Variants in REV3L observed in about 807,000 individuals in gnomAD.
REV3L encodes the protein REV3 like, DNA directed polymerase zeta catalytic subunit.
Under a neutral mutation model 299.4 loss-of-function variants are expected in REV3L, and 69 were observed. That is an observed-to-expected ratio of 0.23 (90% confidence interval 0.19 to 0.28). REV3L has a LOEUF of 0.28. REV3L is among the 10% of genes least tolerant of loss of function. The pLI is 1.00. For synonymous variants in REV3L, 1,238 were observed against 1,271.4 expected, an observed-to-expected ratio of 0.97 and a Z score of 0.56; for missense variants, 3,128 against 3,693.8, an observed-to-expected ratio of 0.85 and a Z score of 3.97.
chr6:111,351,721 C>T lies in REV3L; in HGVS notation c.7255G>A (p.Ala2419Thr). 6.2e-7 allele frequency: 1 copy of T among 1,613,772 alleles called. No individual in the cohort carries two copies. Among genetic ancestry groups the T allele is most frequent in the Non-Finnish European group, 8.5e-7 (1 of 1,179,788 alleles). The change falls in exon 19 of 32, where the codon GCC (alanine) becomes ACC (threonine). Residue 2419 changes from alanine (A) to threonine (T), a missense_variant. This residue lies in a region of REV3L where 82 missense variants were observed against 142.7 expected (regional missense o/e 0.57). Transcript: ENST00000368802. ...CGACATAAGTCAATACTTAAAGCGGCAGCCCTTTGTAAGAGGTAACCCCAG... is the reference window on the plus strand; with the variant it reads ...CGACATAAGTCAATACTTAAAGCGGTAGCCCTTTGTAAGAGGTAACCCCAG... ...HSWGYLLQRA[A>T]ALSIDLCRMI...
At chr6:111,327,700 A>G (rs1774986612) in intron 25 of REV3L, among the ~76,000 whole-genome samples, 1 of 152,166 alleles carries the variant, frequency 6.6e-6, no homozygotes, top group East Asian at 1.9e-4. Context: ...TATCTTACCT[A>G]AAAGTATACA....
At chr6:111,428,953 C>T (rs564537332) in intron 1 of REV3L, among the ~76,000 whole-genome samples, 1 of 152,110 alleles carries the variant, frequency 6.6e-6, no homozygotes, top group South Asian at 2.1e-4. Flanking sequence ...TAATGAAACA[C>T]TCAAAGGTCA....
chr6:111,384,070 C>A (rs1173682602), intron 9 of REV3L, among the ~76,000 whole-genome samples: 1 of 152,096 alleles, frequency 6.6e-6, no homozygotes, highest in Non-Finnish European at 1.5e-5. Flanking sequence ...TGAAACTAGA[C>A]CCTGATCTCT....
intron 1 of REV3L, among the ~76,000 whole-genome samples, chr6:111,429,748 G>A (rs1179159922): frequency 6.6e-6 from 1 of 152,126 alleles, no homozygotes; most frequent in African/African-American, 2.4e-5. Context: ...GGCTCGCCTG[G>A]CCCAGACCGG....
chr6:111,358,924 G>A lies in REV3L; in HGVS notation c.6970C>T (p.Leu2324=). 1 of 1,614,122 alleles carries A rather than the reference G, an allele frequency of 6.2e-7. No homozygotes were observed. Among genetic ancestry groups the A allele is most frequent in the Non-Finnish European group, 8.5e-7 (1 of 1,179,994 alleles). Residue 2324 remains leucine, a synonymous_variant, in exon 17 of 32, where the codon CTG becomes TTG. Transcript: ENST00000368802. ...GTGTCAGATGAGATGCAGTAGAACA[G>A]AGCACAGATTGGGTCAAATTCAGGA... ...PDPEFDPICA[L]FYCISSDTPL...
At chr6:111,469,516 CAGTT>C (rs1791924892) in intron 1 of REV3L, among the ~76,000 whole-genome samples, 1 of 152,182 alleles carries the variant, frequency 6.6e-6, no homozygotes, top group Non-Finnish European at 1.5e-5. Flanking sequence ...TAGCCCCACT[CAGTT>C]AGGAAACCCC....
chr6:111,381,792 A>G (rs1337495719), intron 9 of REV3L, among the ~76,000 whole-genome samples: 1 of 152,208 alleles, frequency 6.6e-6, no homozygotes, highest in Admixed American at 6.5e-5. Flanking sequence ...AAAATTCTTT[A>G]TTCTCTATGG....
At chr6:111,473,239 T>C (rs72947131) in intron 1 of REV3L, among the ~76,000 whole-genome samples, 16,312 of 150,026 alleles carry the variant, frequency 0.11, 1,163 homozygotes, top group Middle Eastern at 0.21. Flanking sequence ...TTTTTTTTTT[T>C]TTAAAGAGAC....
rs1779329937 is a variant in REV3L at position 111,367,339 on chromosome 6, T to C, written c.6449A>G (p.Glu2150Gly). ...NGDDRPSSPV[E>G]ELPSLAFENF... ...CTCAAAAGCCAATGAAGGCAGCTCC[T>C]CTACTGGTGATGAGGGTCTATCATC... The change falls in exon 14 of 32, where the codon GAG (glutamate) becomes GGG (glycine). Residue 2150 changes from glutamate (E) to glycine (G), a missense_variant. Physicochemically the swap from Glu to Gly is moderately conservative, Grantham distance 98 (BLOSUM62 -2). This residue lies in a region of REV3L where 2,409 missense variants were observed against 2,611.8 expected (regional missense o/e 0.92). Transcript: ENST00000368802. 12 of 1,607,552 alleles carry C rather than the reference T, an allele frequency of 7.5e-6. No individual in the cohort carries two copies. Among genetic ancestry groups the C allele is most frequent in the Non-Finnish European group, 1.0e-5 (12 of 1,177,584 alleles).
chr6:111,423,808 GAATCAAAGATGACTCTT>G (rs377344674), intron 1 of REV3L, among the ~76,000 whole-genome samples: 54 of 152,220 alleles, frequency 3.5e-4, no homozygotes, highest in African/African-American at 1.2e-3. Context: ...AAGGCAGAAG[GAATCAAAGATGACTCTT>G]ATTTTTGGCT....
chr6:111,423,196 G>A (rs905407665), intron 1 of REV3L, among the ~76,000 whole-genome samples: 1 of 152,126 alleles, frequency 6.6e-6, no homozygotes, highest in African/African-American at 2.4e-5. Context: ...TCTACTTGGA[G>A]AAAATGATGA....
intron 1 of REV3L, among the ~76,000 whole-genome samples, chr6:111,481,525 A>T (rs777688709): frequency 6.6e-6 from 1 of 152,256 alleles, no homozygotes; most frequent in South Asian, 2.1e-4. Context: ...AATTCACATT[A>T]AAAGATAACT....
At chr6:111,312,559 T>C (rs1339846617) in intron 28 of REV3L, 1 of 152,218 alleles carries the variant, frequency 6.6e-6, no homozygotes, top group Non-Finnish European at 1.5e-5. Flanking sequence ...GAATGGATTA[T>C]GTTTCTCTCT....
At chr6:111,376,849 G>A in intron 12 of REV3L, 92 bp from the exon 13 acceptor site, 6 of 1,019,328 alleles carry the variant, frequency 5.9e-6, no homozygotes, top group Non-Finnish European at 6.8e-6. Flanking sequence ...CTATCACTAT[G>A]AAAAAATTAC....
intron 9 of REV3L, among the ~76,000 whole-genome samples, chr6:111,386,717 A>ATTTTTTTT (rs67124715): frequency 1.0e-4 from 10 of 97,674 alleles, no homozygotes; most frequent in East Asian, 2.7e-4. Flanking sequence ...TAACAGCACT[A>ATTTTTTTT]TTTTTTTTTT....
At chr6:111,483,526 A>T (rs1562387441), upstream of REV3L, 4 of 496,260 alleles carry the variant, frequency 8.1e-6, no homozygotes, top group Admixed American at 9.8e-5. Context: ...GGCTTGCGGG[A>T]GGGGGGCGCC....
chr6:111,387,665 C>A (rs1781481326), intron 9 of REV3L, 100 bp downstream of exon 9: 2 of 1,175,172 alleles, frequency 1.7e-6, no homozygotes, highest in Admixed American at 4.6e-5. Flanking sequence ...ATATTTATTT[C>A]ATAGGGAAAA....
Position 111,300,826 on chromosome 6 carries a change from C to T in REV3L, c.9253-670G>A, listed in dbSNP as rs541672060. ...TCGCCTCAGGACCCTGTGGTGATTG[C>T]GTTATCTGCACAAATTGTTTGTAAA... is the stretch of plus-strand genomic sequence containing the variant. On this transcript the variant is annotated intron_variant, in intron 31 of 31. Transcript: ENST00000368802. Among the ~76,000 whole-genome samples, 8 of 152,204 alleles carry T rather than the reference C, an allele frequency of 5.3e-5. No homozygotes were observed. The South Asian group carries it at 1.0e-3, about 20-fold the overall frequency.
chr6:111,438,503 T>TC (rs1787861599), intron 1 of REV3L, among the ~76,000 whole-genome samples: 1 of 127,518 alleles, frequency 7.8e-6, no homozygotes, highest in African/African-American at 3.0e-5. Context: ...CATATTAAGA[T>TC]TAAAAAAAAA....
Sources: allele counts gnomAD v4.1 joint callset (sites outside exome capture counted in the v4.1 genomes callset), GRCh38; gene constraint gnomAD v4.1.1; regional missense constraint gnomAD v4.1.1; transcripts MANE v1.5; gene names NCBI Gene and HGNC (gene_info 2026-07-23, HGNC 2026-07-21).